Variants in NOX4 observed in about 807,000 individuals in gnomAD.
NOX4 encodes NADPH oxidase 4.
A neutral mutation model predicts 87.6 loss-of-function variants in NOX4; 69 were observed. The ratio of observed to expected loss-of-function variants is 0.79; its 90% CI spans 0.65 to 0.96. NOX4 has a LOEUF of 0.96. Ranked by LOEUF, NOX4 falls within the 40% of genes least tolerant of loss-of-function variation. The pLI, the probability that NOX4 is intolerant of heterozygous loss-of-function variation, is 0.00. For synonymous variants in NOX4, 275 were observed against 238.2 expected (o/e 1.15, Z -1.42); for missense variants, 680 against 681.5 (o/e 1.00, Z 0.02).
intron 2 of NOX4, among the ~76,000 whole-genome samples, chr11:89,456,254 A>G (rs534213463): frequency 6.6e-6 from 1 of 152,286 alleles, no homozygotes; most frequent in South Asian, 2.1e-4. Flanking sequence ...AGCTTCAAAA[A>G]GAAGTCTTGT....
At chr11:89,523,353 C>A in the NOX4 span, among the ~76,000 whole-genome samples, 2 of 151,972 alleles carry the variant, frequency 1.3e-5, no homozygotes, top group African/African-American at 4.8e-5. Context: ...AGCAGGTATA[C>A]TGATAACTTC....
intron 11 of NOX4, among the ~76,000 whole-genome samples, chr11:89,386,765 A>T (rs1940737683): frequency 6.6e-6 from 1 of 152,114 alleles, no homozygotes. Context: ...AAACTCAAGG[A>T]TAGAGCCCCA....
intron 8 of NOX4, among the ~76,000 whole-genome samples, chr11:89,419,313 A>G (rs549491432): frequency 6.6e-6 from 1 of 152,232 alleles, no homozygotes; most frequent in South Asian, 2.1e-4. Flanking sequence ...TGTATAACCA[A>G]AAGTTGAAGA....
At chr11:89,443,473 G>C (rs1944546896) in intron 5 of NOX4, 2 of 152,210 alleles carry the variant, frequency 1.3e-5, no homozygotes, top group Non-Finnish European at 2.9e-5. Flanking sequence ...GTGAAGCAAA[G>C]GCAGCCTGAG....
chr11:89,423,059 A>G (rs1173668584), intron 7 of NOX4, among the ~76,000 whole-genome samples: 1 of 152,040 alleles, frequency 6.6e-6, no homozygotes, highest in Non-Finnish European at 1.5e-5. Flanking sequence ...CAGTCTCCCA[A>G]AGTGCTGGGA....
the NOX4 span, among the ~76,000 whole-genome samples, chr11:89,527,654 T>A: frequency 2.6e-5 from 4 of 152,172 alleles, no homozygotes; most frequent in African/African-American, 9.7e-5. Flanking sequence ...CTTGGCAGCT[T>A]ACATTTGGTT....
the NOX4 span, among the ~76,000 whole-genome samples, chr11:89,505,247 A>C: frequency 6.6e-6 from 1 of 151,938 alleles, no homozygotes; most frequent in Non-Finnish European, 1.5e-5. Flanking sequence ...CCTGCTAGAC[A>C]CAAAATACAT....
chr11:89,468,589 A>G (rs1945802244), intron 2 of NOX4, among the ~76,000 whole-genome samples: 1 of 152,208 alleles, frequency 6.6e-6, no homozygotes, highest in South Asian at 2.1e-4. Flanking sequence ...CTATTAAACA[A>G]TGATCCCTTT....
chr11:89,476,786 C>T (rs1308719323), intron 2 of NOX4, among the ~76,000 whole-genome samples: 1 of 152,060 alleles, frequency 6.6e-6, no homozygotes, highest in African/African-American at 2.4e-5. Context: ...TACCATGTAG[C>T]AGTTGGTAGC....
chr11:89,436,199 G>GACAAGTTAAGCAGGAAATTGCAAC (rs1565289174), intron 6 of NOX4, among the ~76,000 whole-genome samples: 3 of 152,196 alleles, frequency 2.0e-5, no homozygotes, highest in African/African-American at 7.2e-5. Flanking sequence ...GGTGGAGACA[G>GACAAGTTAAGCAGGAAATTGCAAC]ACAAGTTAAG....
chr11:89,418,271 A>G (rs1035309196), intron 8 of NOX4, among the ~76,000 whole-genome samples: 5 of 151,578 alleles, frequency 3.3e-5, no homozygotes, highest in Non-Finnish European at 7.4e-5. Context: ...GGATACAGAG[A>G]AGTGTTGCCA....
chr11:89,346,894 G>A, intron 13 of NOX4, among the ~76,000 whole-genome samples: 1 of 152,126 alleles, frequency 6.6e-6, no homozygotes, highest in East Asian at 1.9e-4. Flanking sequence ...CCAGGGGTTG[G>A]GATCCACTAC....
intron 8 of NOX4, among the ~76,000 whole-genome samples, chr11:89,417,071 C>T (rs1010016244): frequency 6.6e-6 from 1 of 152,098 alleles, no homozygotes; most frequent in Admixed American, 6.6e-5. Context: ...ACATAAAATA[C>T]AATCACCACC....
intron 6 of NOX4, among the ~76,000 whole-genome samples, chr11:89,438,775 A>C (rs1273828656): frequency 9.2e-5 from 3 of 32,460 alleles, no homozygotes; most frequent in Non-Finnish European, 1.6e-4. Context: ...TAATATAATA[A>C]TATAATAATA....
chr11:89,561,601 T>G, the NOX4 span, among the ~76,000 whole-genome samples: 5 of 152,200 alleles, frequency 3.3e-5, no homozygotes, highest in Non-Finnish European at 7.3e-5. Flanking sequence ...TTTCCTCATG[T>G]GGAATTCTTT....
At chr11:89,554,436 T>A in the NOX4 span, among the ~76,000 whole-genome samples, 1 of 152,168 alleles carries the variant, frequency 6.6e-6, no homozygotes, top group African/African-American at 2.4e-5. Flanking sequence ...TAGAATGCTA[T>A]TCTTTCTCAT....
At chr11:89,532,824 G>T in the NOX4 span, among the ~76,000 whole-genome samples, 1 of 152,082 alleles carries the variant, frequency 6.6e-6, no homozygotes, top group Non-Finnish European at 1.5e-5. Context: ...CTTCCATGAC[G>T]TTCTCATGAT....
At chr11:89,589,518 G>A in the NOX4 span, 2 of 152,366 alleles carry the variant, frequency 1.3e-5, no homozygotes, top group East Asian at 3.9e-4. Flanking sequence ...GAGAGACGAT[G>A]TAAAGGAGTA....
chr11:89,344,285 G>A (rs1399210668), intron 13 of NOX4, among the ~76,000 whole-genome samples: 2 of 152,118 alleles, frequency 1.3e-5, no homozygotes, highest in African/African-American at 4.8e-5. Context: ...CAAGGGTCTG[G>A]TGCAGTGGCT....
Sources: gnomAD v4.1 joint callset for allele counts (sites outside exome capture counted in the v4.1 genomes callset) on GRCh38, gnomAD v4.1.1 for gene constraint, MANE v1.5 for transcripts, NCBI Gene and HGNC (gene_info 2026-07-23, HGNC 2026-07-21) for gene names.